ANO10: variants seen among roughly 807,000 people sequenced by gnomAD.
The protein encoded by ANO10 is anoctamin 10, also known as anoctamin-10.
Under a neutral mutation model 74.7 loss-of-function variants are expected in ANO10, and 77 were observed. The ratio of observed to expected loss-of-function variants is 1.03; its 90% confidence interval spans 0.86 to 1.25. The LOEUF (loss-of-function observed/expected upper bound fraction) is 1.25, where lower values mean the gene tolerates loss of function less well. Ranked by LOEUF, ANO10 falls within the 50% of genes most tolerant of loss-of-function variation. The probability of loss-of-function intolerance (pLI) is 0.00; values close to 1 mark genes in which losing one functional copy is unlikely to be tolerated. For synonymous variants in ANO10, 279 were observed against 284.9 expected (o/e 0.98, Z 0.21); for missense variants, 721 against 778.1 (o/e 0.93, Z 0.87).
At position 43,366,076 on chromosome 3, in the gene ANO10, A is replaced by G. The variant is rs1017867063; in HGVS notation, c.*830T>C. On this transcript the variant is annotated 3_prime_UTR_variant, in exon 13 of 13. Transcript: ENST00000292246. ...TTCTCTGCAAGCCCAAGCCCAGGCC[A>G]GGGCACCAGGAGTGGCTGCTGGCCC... 6.5e-6 allele frequency: 1 copy of G among 152,722 alleles called. No individual in the cohort carries two copies. The highest frequency in any genetic ancestry group is 2.4e-5 in the African/African-American group (1 of 41,470). The allele number at this position is 152,722 out of a possible 1,614,324, so 9.5% of individuals were successfully genotyped here.
chr3:43,506,723 A>T (rs1054603570), intron 11 of ANO10, among the ~76,000 whole-genome samples: 1 of 152,064 alleles, frequency 6.6e-6, no homozygotes, highest in Non-Finnish European at 1.5e-5. Flanking sequence ...TCCACTAGGT[A>T]TCTGCATGGC....
intron 1 of ANO10, among the ~76,000 whole-genome samples, chr3:43,665,282 CCAGACATCA>C (rs1048323975): frequency 6.6e-6 from 1 of 152,066 alleles, no homozygotes; most frequent in African/African-American, 2.4e-5. Context: ...GATCAGAAAA[CCAGACATCA>C]CATGTTCTTA....
At chr3:43,381,829 T>G (rs545599438) in intron 12 of ANO10, among the ~76,000 whole-genome samples, 10 of 151,958 alleles carry the variant, frequency 6.6e-5, no homozygotes, top group Admixed American at 5.9e-4. Context: ...ACAAAACAAG[T>G]CTCAACAAAT....
chr3:43,566,568 AGGG>A (rs1575442716), intron 7 of ANO10, among the ~76,000 whole-genome samples: 1 of 152,230 alleles, frequency 6.6e-6, no homozygotes, highest in East Asian at 1.9e-4. Flanking sequence ...ACCCCCCAGC[AGGG>A]GTACACTGAC....
At chr3:43,496,229 G>A (rs2076909330) in intron 11 of ANO10, among the ~76,000 whole-genome samples, 1 of 152,118 alleles carries the variant, frequency 6.6e-6, no homozygotes, top group Admixed American at 6.5e-5. Flanking sequence ...AAAACAATCA[G>A]AATGCCTACT....
intron 2 of ANO10, 39 bp downstream of exon 2, chr3:43,605,675 G>A (rs766847353): frequency 1.9e-6 from 3 of 1,609,846 alleles, no homozygotes; most frequent in Non-Finnish European, 2.5e-6. Context: ...TACAGTGTGG[G>A]AGGCCAGACT....
In ANO10 at chr3:43,462,032, G is replaced by A. The variant is rs180837811; in HGVS notation, c.1798-29305C>T. 7.9e-5 allele frequency among the ~76,000 whole-genome samples: 12 copies of A among 152,328 alleles called. No individual in the cohort carries two copies. The East Asian group carries it at 1.3e-3, about 17-fold the overall frequency. Reference sequence around the variant, plus strand: ...GGCTGAGGTGGACTCAGATGGAGATGAGAAACTTGTTGGGAAGTGGAGCAA... The same window carrying A: ...GGCTGAGGTGGACTCAGATGGAGATAAGAAACTTGTTGGGAAGTGGAGCAA... On this transcript the variant is annotated intron_variant, in intron 11 of 12. Transcript: ENST00000292246.
intron 1 of ANO10, among the ~76,000 whole-genome samples, chr3:43,663,142 A>G (rs2083946197): frequency 6.6e-6 from 1 of 152,240 alleles, no homozygotes; most frequent in Non-Finnish European, 1.5e-5. Context: ...GAAAATCCTC[A>G]ATAAAATGCT....
chr3:43,403,082 G>A (rs2092512128), intron 12 of ANO10, among the ~76,000 whole-genome samples: 2 of 152,180 alleles, frequency 1.3e-5, no homozygotes, highest in African/African-American at 4.8e-5. Context: ...CAAGTCAGCT[G>A]TTAGATTATT....
chr3:43,512,063 T>C (rs1258168819), intron 11 of ANO10, among the ~76,000 whole-genome samples: 1 of 152,084 alleles, frequency 6.6e-6, no homozygotes, highest in African/African-American at 2.4e-5. Context: ...GGTGGGAGTG[T>C]GGAGAAGGGT....
At chr3:43,430,455 T>C (rs1460015651) in intron 12 of ANO10, among the ~76,000 whole-genome samples, 2 of 152,050 alleles carry the variant, frequency 1.3e-5, no homozygotes, top group Non-Finnish European at 2.9e-5. Context: ...TTTGTGGTGG[T>C]GGGGAGGTTC....
chr3:43,532,197 G>A (rs906625249), intron 11 of ANO10, among the ~76,000 whole-genome samples: 4 of 152,240 alleles, frequency 2.6e-5, no homozygotes, highest in African/African-American at 7.2e-5. Flanking sequence ...GACTCAGACT[G>A]TCTAAATAAA....
chr3:43,458,348 A>C (rs1264331634), intron 11 of ANO10, among the ~76,000 whole-genome samples: 1 of 152,194 alleles, frequency 6.6e-6, no homozygotes, highest in Non-Finnish European at 1.5e-5. Context: ...AAGTTTCACA[A>C]AGAATCCAGG....
intron 1 of ANO10, among the ~76,000 whole-genome samples, chr3:43,681,512 A>C (rs987137496): frequency 1.3e-5 from 2 of 152,164 alleles, no homozygotes; most frequent in African/African-American, 4.8e-5. Flanking sequence ...AACATTAGAC[A>C]GATCAACGAG....
Position 43,628,967 on chromosome 3 carries a change from T to C in ANO10, c.-11-23104A>G, listed in dbSNP as rs549514666. On this transcript the variant is annotated intron_variant, in intron 1 of 3. Transcript: ENST00000413397. The stretch of plus-strand genomic sequence containing the variant: ...CTCGCCCTGCCTCCATTTTGCCTTG[T>C]CATATTCTATTACCTTGTGAAGTAC... Among the ~76,000 whole-genome samples, 9 of 152,348 alleles carry C rather than the reference T, an allele frequency of 5.9e-5. No homozygotes were observed. The East Asian group carries it at 1.7e-3, about 29-fold the overall frequency.
chr3:43,600,673 TAGA>T (rs1050577105), intron 2 of ANO10, 92 bp from the exon 3 acceptor site: 3 of 1,125,082 alleles, frequency 2.7e-6, no homozygotes, highest in Non-Finnish European at 3.9e-6. Context: ...TCTAGTCTGG[TAGA>T]AGAAAAAGAA....
intron 2 of ANO10, among the ~76,000 whole-genome samples, chr3:43,602,165 C>T (rs1305359701): frequency 6.6e-6 from 1 of 152,070 alleles, no homozygotes; most frequent in African/African-American, 2.4e-5. Context: ...CTCTCTAGAC[C>T]CACTCTTGCC....
intron 1 of ANO10, among the ~76,000 whole-genome samples, chr3:43,641,333 A>C (rs1208361057): frequency 6.6e-6 from 1 of 152,176 alleles, no homozygotes; most frequent in Non-Finnish European, 1.5e-5. Context: ...ACTTGGAGAA[A>C]ATTCCAAATC....
Position 43,366,724 on chromosome 3 carries a change from C to CCCGAG in ANO10, c.*177_*181dup. ...TGGGGCTGGGGGAACTGCCAAGGAT[C>CCCGAG]CCGAGCCAAGCCACTGCGAAACTGA... is the stretch of plus-strand genomic sequence containing the variant. On this transcript the variant is annotated 3_prime_UTR_variant, in exon 13 of 13. Transcript: ENST00000292246. 1.5e-6 allele frequency: 1 copy of CCCGAG among 667,942 alleles called. No individual in the cohort carries two copies. Among genetic ancestry groups the CCCGAG allele is most frequent in the South Asian group, 1.7e-5 (1 of 59,060 alleles). 41.4% of individuals were successfully genotyped at this position (667,942 alleles called of 1,614,324 possible).
Sources: gnomAD v4.1 joint callset for allele counts (sites outside exome capture counted in the v4.1 genomes callset) on GRCh38, gnomAD v4.1.1 for gene constraint, MANE v1.5 for transcripts, NCBI Gene and HGNC (gene_info 2026-07-23, HGNC 2026-07-21) for gene names.